Variants in RAP1GDS1 observed in about 807,000 individuals in gnomAD.
RAP1GDS1 encodes RAP1, GTP-GDP dissociation stimulator 1.
Under a neutral mutation model 71.1 loss-of-function variants are expected in RAP1GDS1, and 35 were observed. That is an observed-to-expected ratio of 0.49 (90% CI 0.38 to 0.65). RAP1GDS1 has a LOEUF of 0.65. Among genes scored for constraint, RAP1GDS1 ranks in the 30% least tolerant of loss-of-function variants. The pLI is 0.00. For synonymous variants in RAP1GDS1, 229 were observed against 243.1 expected, an observed-to-expected ratio of 0.94 and a Z score of 0.54; for missense variants, 663 against 706.1, an observed-to-expected ratio of 0.94 and a Z score of 0.69.
intron 12 of RAP1GDS1, among the ~76,000 whole-genome samples, chr4:98,432,574 A>C (rs961936396): frequency 6.6e-6 from 1 of 152,184 alleles, no homozygotes; most frequent in African/African-American, 2.4e-5. Flanking sequence ...TTGATCACTA[A>C]ACAAGTTTGG....
At chr4:98,291,820 T>C (rs1726982021) in intron 1 of RAP1GDS1, among the ~76,000 whole-genome samples, 1 of 152,144 alleles carries the variant, frequency 6.6e-6, no homozygotes, top group Admixed American at 6.6e-5. Flanking sequence ...GTCCTCAGCC[T>C]TAATCAGATA....
intron 2 of RAP1GDS1, among the ~76,000 whole-genome samples, chr4:98,297,827 T>G (rs1212472470): frequency 1.3e-5 from 2 of 152,206 alleles, no homozygotes; most frequent in Non-Finnish European, 2.9e-5. Context: ...TAGAAATGAT[T>G]AAGCTTATTG....
chr4:98,330,432 G>A (rs574001289), intron 2 of RAP1GDS1, among the ~76,000 whole-genome samples: 152 of 150,356 alleles, frequency 1.0e-3, no homozygotes, highest in Non-Finnish European at 1.6e-3. Flanking sequence ...AGATGGGGTC[G>A]CGGCCGGGCA....
intron 1 of RAP1GDS1, among the ~76,000 whole-genome samples, chr4:98,290,759 A>G (rs1726804799): frequency 6.6e-6 from 1 of 152,112 alleles, no homozygotes. Flanking sequence ...GTTTTATCCA[A>G]ATGTATCAAG....
rs548776055 is a variant in RAP1GDS1, at chr4:98,266,548, C to G, written c.4+4979C>G. 6.6e-5 allele frequency among the ~76,000 whole-genome samples: 10 copies of G among 152,024 alleles called. No homozygotes were observed. The South Asian group carries it at 2.1e-3, about 32-fold the overall frequency. On this transcript the variant is annotated intron_variant, in intron 1 of 14. Transcript: ENST00000408927. ...GGTTTTCATAGCTAAATAATAAATA[C>G]TAATTTTGCCTGATCTTTGCAAGTC...
rs1728848331 is a variant in RAP1GDS1 at position 98,303,384 on chromosome 4, GACTT to G, written c.112+9871_112+9874del. The stretch of plus-strand genomic sequence containing the variant: ...TCTAAAAAACATACAAAATTTCAAA[GACTT>G]AGTACAAATTAAAAAATGTAAAATA... On this transcript the variant is annotated intron_variant, in intron 2 of 14. Coordinates refer to ENST00000408927, the MANE Select transcript of RAP1GDS1 (RefSeq NM_001100427.2). Among the ~76,000 whole-genome samples the G allele has an allele frequency of 4.6e-5, 7 of 151,986 alleles. 1 individual carries two copies. The South Asian group carries it at 1.3e-3, about 27-fold the overall frequency.
intron 1 of RAP1GDS1, among the ~76,000 whole-genome samples, chr4:98,285,377 G>T (rs1725819362): frequency 1.3e-5 from 2 of 152,118 alleles, no homozygotes; most frequent in African/African-American, 2.4e-5. Flanking sequence ...TGCTTAAAGA[G>T]TGCTGTGGGT....
chr4:98,362,250 TGA>T (rs1417646111), intron 4 of RAP1GDS1, among the ~76,000 whole-genome samples: 1 of 152,138 alleles, frequency 6.6e-6, no homozygotes, highest in Non-Finnish European at 1.5e-5. Flanking sequence ...GAGGCTAAGG[TGA>T]GAGGATCACT....
chr4:98,421,544 C>T (rs1447994634), intron 12 of RAP1GDS1, 150 bp downstream of exon 12: 1 of 842,278 alleles, frequency 1.2e-6, no homozygotes. Context: ...TTAGCTGATA[C>T]ATGGGATATA....
chr4:98,433,539 C>CA (rs1257977098), intron 12 of RAP1GDS1, among the ~76,000 whole-genome samples: 2 of 152,132 alleles, frequency 1.3e-5, no homozygotes, highest in Non-Finnish European at 2.9e-5. Flanking sequence ...TTTGGCCTGT[C>CA]AGAGCACTGG....
Position 98,427,851 on chromosome 4 carries a change from G to C in RAP1GDS1, c.1441-6085G>C, listed in dbSNP as rs192295645. ...ACCACCATCATTCTTCACAGAACTA[G>C]AAAAAACAATTCTAAAATTCATATG... On this transcript the variant is annotated intron_variant, in intron 12 of 14. Transcript: ENST00000408927. Among the ~76,000 whole-genome samples the C allele has an allele frequency of 3.1e-4, 47 of 152,122 alleles. 1 individual carries two copies. Among genetic ancestry groups the C allele is most frequent in the Admixed American group, 1.0e-3 (16 of 15,276 alleles).
chr4:98,363,259 T>C (rs1417936737), intron 4 of RAP1GDS1, among the ~76,000 whole-genome samples: 1 of 151,692 alleles, frequency 6.6e-6, no homozygotes, highest in Non-Finnish European at 1.5e-5. Flanking sequence ...ATGGCAAGGC[T>C]CAAGGGCTGC....
chr4:98,391,932 T>G lies in RAP1GDS1; in HGVS notation c.509-20T>G, dbSNP rs1343051304. 7 of 1,346,568 alleles carry G rather than the reference T, an allele frequency of 5.2e-6. No homozygotes were observed. The highest frequency in any genetic ancestry group is 7.0e-6 in the Non-Finnish European group (7 of 1,006,320). 83.4% of individuals were successfully genotyped at this position (1,346,568 alleles called of 1,614,324 possible). ...GTCAACACTTTCTTTTCTGTTGTTG[T>G]TTTTTTTTTGTTTTTACAGATTCGC... On this transcript the variant is annotated intron_variant, in intron 5 of 14. Coordinates refer to ENST00000408927, the MANE Select transcript of RAP1GDS1 (RefSeq NM_001100427.2).
intron 4 of RAP1GDS1, among the ~76,000 whole-genome samples, chr4:98,369,112 A>G (rs923098846): frequency 6.6e-6 from 1 of 152,078 alleles, no homozygotes; most frequent in Non-Finnish European, 1.5e-5. Flanking sequence ...AAACCATCTG[A>G]TCTCATGAGA....
chr4:98,410,358 A>T (rs1032754633), intron 7 of RAP1GDS1, among the ~76,000 whole-genome samples: 1 of 152,158 alleles, frequency 6.6e-6, no homozygotes. Context: ...AACACAAAAT[A>T]AAACCACAAT....
Position 98,289,524 on chromosome 4 carries a change from T to A in RAP1GDS1, c.5-3884T>A, listed in dbSNP as rs550231779. On this transcript the variant is annotated intron_variant, in intron 1 of 14. Transcript: ENST00000408927. ...TGGCATAATGTGAGTTGTAAAAGTTTCTGATCGGTTTAGGACCAGCTCTGG... is the reference window on the plus strand; with the variant it reads ...TGGCATAATGTGAGTTGTAAAAGTTACTGATCGGTTTAGGACCAGCTCTGG... 5.4e-5 allele frequency among the ~76,000 whole-genome samples: 8 copies of A among 148,772 alleles called. No individual in the cohort carries two copies. In the South Asian group the frequency reaches 1.7e-3, roughly 31 times the overall value.
At chr4:98,385,019 A>T (rs1306177211) in intron 5 of RAP1GDS1, among the ~76,000 whole-genome samples, 1 of 151,582 alleles carries the variant, frequency 6.6e-6, no homozygotes, top group Non-Finnish European at 1.5e-5. Context: ...TATTTGCTTT[A>T]TGTCTGGATT....
At chr4:98,367,950 T>C (rs1739768647) in intron 4 of RAP1GDS1, among the ~76,000 whole-genome samples, 2 of 152,120 alleles carry the variant, frequency 1.3e-5, no homozygotes, top group African/African-American at 4.8e-5. Flanking sequence ...TGGGGGAATG[T>C]TGGGAAGGCA....
chr4:98,313,088 A>G (rs925229196), intron 2 of RAP1GDS1, among the ~76,000 whole-genome samples: 3 of 145,968 alleles, frequency 2.1e-5, no homozygotes, highest in Non-Finnish European at 3.0e-5. Context: ...AAAAAAAAAA[A>G]AAAAAAAAAG....
Sources: allele counts gnomAD v4.1 joint callset (sites outside exome capture counted in the v4.1 genomes callset), GRCh38; gene constraint gnomAD v4.1.1; transcripts MANE v1.5; gene names NCBI Gene and HGNC (gene_info 2026-07-23, HGNC 2026-07-21).